MAP6: variants seen among roughly 807,000 people sequenced by gnomAD.
The protein encoded by MAP6 is microtubule associated protein 6, also known as microtubule-associated protein 6.
MAP6 carries 26 observed loss-of-function variants against 42.4 expected under a neutral mutation model. The observed-to-expected ratio is 0.61, with a 90% CI of 0.45 to 0.85. The LOEUF is 0.85. Ranked by LOEUF, MAP6 falls within the 40% of genes least tolerant of loss-of-function variation. The probability of loss-of-function intolerance (pLI) is 0.00; values close to 1 mark genes in which losing one functional copy is unlikely to be tolerated. For synonymous variants in MAP6, 418 were observed against 443.8 expected (o/e 0.94, Z 0.73); for missense variants, 966 against 1,099.0 (o/e 0.88, Z 1.71).
intron 3 of MAP6, chr11:75,594,389 G>A (rs986994106): frequency 1.3e-5 from 2 of 152,212 alleles, no homozygotes; most frequent in African/African-American, 4.8e-5. Flanking sequence ...CACAGTGATG[G>A]AAATGCAGCT....
At chr11:75,641,526 C>T (rs1190628371) in intron 1 of MAP6, among the ~76,000 whole-genome samples, 1 of 151,736 alleles carries the variant, frequency 6.6e-6, no homozygotes, top group Non-Finnish European at 1.5e-5. Context: ...TGGGGTAGAA[C>T]CCAGGAGCCT....
chr11:75,591,372 T>C (rs1942473880), intron 3 of MAP6, among the ~76,000 whole-genome samples: 1 of 152,202 alleles, frequency 6.6e-6, no homozygotes, highest in South Asian at 2.1e-4. Flanking sequence ...GCCTGGACAG[T>C]TTTTCTATGC....
chr11:75,588,095 C>G lies in MAP6; in HGVS notation c.1406G>C (p.Gly469Ala). 1 of 1,614,074 alleles carries G rather than the reference C, an allele frequency of 6.2e-7. No individual in the cohort carries two copies. Among genetic ancestry groups the G allele is most frequent in the South Asian group, 1.1e-5 (1 of 91,054 alleles). Residue 469 changes from glycine (G) to alanine (A), a missense_variant, in exon 4 of 4, where the codon GGC becomes GCC. Physicochemically the swap from Gly to Ala is moderately conservative, Grantham distance 60 (BLOSUM62 0). This residue lies in a region of MAP6 where 943 missense variants were observed against 1,049.9 expected (regional missense o/e 0.90). Coordinates refer to ENST00000304771, the MANE Select transcript of MAP6 (RefSeq NM_033063.2). ...PDKDQGSVVP[G>A]LLKGQGPMVQ... The stretch of plus-strand genomic sequence containing the variant: ...CATAGGACCTTGACCTTTCAGAAGG[C>G]CTGGGACCACAGAACCTTGATCCTT...
At chr11:75,630,209 ACTC>A (rs1156512917) in intron 1 of MAP6, among the ~76,000 whole-genome samples, 2 of 151,886 alleles carry the variant, frequency 1.3e-5, no homozygotes, top group Non-Finnish European at 2.9e-5. Flanking sequence ...CTGGGCTTAA[ACTC>A]CTCCCATCTT....
At chr11:75,590,395 T>C (rs1005914432) in intron 3 of MAP6, among the ~76,000 whole-genome samples, 3 of 152,126 alleles carry the variant, frequency 2.0e-5, no homozygotes, top group Admixed American at 1.3e-4. Flanking sequence ...GCCTGGAGTC[T>C]CCTGCTGGCC....
At chr11:75,611,162 G>A (rs73488417) in intron 1 of MAP6, among the ~76,000 whole-genome samples, 1,817 of 152,294 alleles carry the variant, frequency 0.012, 47 homozygotes, top group African/African-American at 0.042. Flanking sequence ...CTTCAGAGTC[G>A]AAGCCTTGCC....
In MAP6 at chr11:75,623,936, C is replaced by T. The variant is rs370965364; in HGVS notation, c.906-15614G>A. Reference sequence around the variant, plus strand: ...TGAAGCCCGGCTGCCCACACTGAGACCCTTGGCTGCCCACACTGTCTCACC... The same window carrying T: ...TGAAGCCCGGCTGCCCACACTGAGATCCTTGGCTGCCCACACTGTCTCACC... On this transcript the variant is annotated intron_variant, in intron 1 of 3. Coordinates refer to ENST00000304771, the MANE Select transcript of MAP6 (RefSeq NM_033063.2). 1.2e-3 allele frequency among the ~76,000 whole-genome samples: 182 copies of T among 152,262 alleles called. 1 individual carries two copies. Among genetic ancestry groups the T allele is most frequent in the African/African-American group, 4.2e-3 (173 of 41,550 alleles).
chr11:75,661,536 GA>G (rs1239867790), intron 1 of MAP6, among the ~76,000 whole-genome samples: 2 of 151,612 alleles, frequency 1.3e-5, no homozygotes, highest in Non-Finnish European at 2.9e-5. Flanking sequence ...TTCAATATGA[GA>G]AAAAAAATCT....
At position 75,667,581 on chromosome 11, in the gene MAP6, C is replaced by G; in HGVS notation, c.789G>C (p.Ala263=). Residue 263 remains alanine (A), a synonymous_variant, in exon 1 of 4, where the codon GCG becomes GCC. Transcript: ENST00000304771. This position sits in a 1 kb window ranked among gnomAD's most constrained non-coding sequence, Gnocchi z 5.6. ...GLGHEQTPLP[A]AQAQVQATGP... is the part of the protein sequence containing the mutation. ...CGGTGGCCTGGACCTGGGCCTGGGC[C>G]GCGGGCAGCGGCGTCTGCTCGTGCC... is the stretch of plus-strand genomic sequence containing the variant. 12 of 1,408,620 alleles carry G rather than the reference C, an allele frequency of 8.5e-6. No homozygotes were observed. Among genetic ancestry groups the G allele is most frequent in the Non-Finnish European group, 1.1e-5 (12 of 1,091,444 alleles). 87.3% of individuals were successfully genotyped at this position (1,408,620 alleles called of 1,614,324 possible). A position where few individuals can be genotyped will look rare whatever the true frequency, so the allele number is the denominator to read the frequency against.
At chr11:75,612,214 A>G (rs1942908660) in intron 1 of MAP6, among the ~76,000 whole-genome samples, 1 of 152,214 alleles carries the variant, frequency 6.6e-6, no homozygotes, top group Admixed American at 6.5e-5. Context: ...CTTCCTGTGC[A>G]ACTACATTTT....
chr11:75,651,725 T>C (rs1943649746), intron 1 of MAP6, among the ~76,000 whole-genome samples: 2 of 152,202 alleles, frequency 1.3e-5, no homozygotes, highest in South Asian at 4.1e-4. Flanking sequence ...GCTATTCAGT[T>C]GTAAGGAAAC....
intron 3 of MAP6, among the ~76,000 whole-genome samples, chr11:75,594,879 C>T (rs192416183): frequency 4.6e-5 from 7 of 152,272 alleles, no homozygotes; most frequent in African/African-American, 9.6e-5. Context: ...ACAAACATGA[C>T]GCCACCACCT....
chr11:75,612,525 C>T (rs1391448910), intron 1 of MAP6, among the ~76,000 whole-genome samples: 7 of 152,148 alleles, frequency 4.6e-5, no homozygotes, highest in African/African-American at 1.7e-4. Flanking sequence ...AATTCAGGCA[C>T]CAGTCTGAGT....
intron 3 of MAP6, among the ~76,000 whole-genome samples, chr11:75,591,608 G>C (rs1942478225): frequency 6.6e-6 from 1 of 152,250 alleles, no homozygotes; most frequent in Non-Finnish European, 1.5e-5. Context: ...CTGTCCTTGG[G>C]CATGGCCCAA....
chr11:75,662,614 C>A (rs1176625307), intron 1 of MAP6, among the ~76,000 whole-genome samples: 2 of 152,126 alleles, frequency 1.3e-5, no homozygotes, highest in African/African-American at 4.8e-5. Context: ...GAGGATGTGG[C>A]CCAGGAATCT....
chr11:75,606,962 A>G (rs1236040433), intron 2 of MAP6, among the ~76,000 whole-genome samples: 1 of 151,962 alleles, frequency 6.6e-6, no homozygotes, highest in African/African-American at 2.4e-5. Flanking sequence ...TTCCTTCTCT[A>G]CGTCCTCTTT....
intron 3 of MAP6, chr11:75,603,136 G>A (rs1565256439): frequency 2.0e-6 from 2 of 985,532 alleles, no homozygotes; most frequent in Non-Finnish European, 2.4e-6. Flanking sequence ...GACCGAATGG[G>A]AGCACAGACA....
chr11:75,611,130 T>C (rs1853347438), intron 1 of MAP6, among the ~76,000 whole-genome samples: 1 of 152,154 alleles, frequency 6.6e-6, no homozygotes, highest in African/African-American at 2.4e-5. Flanking sequence ...GAGGCTACAG[T>C]CCCTCCCTCC....
At chr11:75,607,813 G>A (rs1942807822) in intron 2 of MAP6, 2 of 302,798 alleles carry the variant, frequency 6.6e-6, no homozygotes, top group Non-Finnish European at 9.7e-6. Flanking sequence ...CTCAGGTGAG[G>A]TTTTCTGCCA....
Sources: allele counts gnomAD v4.1 joint callset (sites outside exome capture counted in the v4.1 genomes callset), GRCh38; gene constraint gnomAD v4.1.1; regional missense constraint gnomAD v4.1.1; non-coding constraint Gnocchi (gnomAD v3.1); transcripts MANE v1.5; gene names NCBI Gene and HGNC (gene_info 2026-07-23, HGNC 2026-07-21).